Variants in PDE10A observed in about 807,000 individuals in gnomAD.
PDE10A encodes cAMP and cAMP-inhibited cGMP 3',5'-cyclic phosphodiesterase 10A.
A neutral mutation model predicts 97.7 loss-of-function variants in PDE10A; 39 were observed. The observed-to-expected ratio is 0.40, with a 90% confidence interval of 0.31 to 0.52. The LOEUF (loss-of-function observed/expected upper bound fraction) is 0.52, where lower values mean the gene tolerates loss of function less well. Among genes scored for constraint, PDE10A ranks in the 20% least tolerant of loss-of-function variants. The probability of loss-of-function intolerance (pLI) is 0.56; values close to 1 mark genes in which losing one functional copy is unlikely to be tolerated. For synonymous variants in PDE10A, 371 were observed against 376.8 expected, an observed-to-expected ratio of 0.98 and a Z score of 0.18; for missense variants, 731 against 1,047.8, an observed-to-expected ratio of 0.70 and a Z score of 4.17.
At chr6:165,682,808 G>A (rs2128439795) in intron 1 of PDE10A, among the ~76,000 whole-genome samples, 1 of 152,272 alleles carries the variant, frequency 6.6e-6, no homozygotes, top group East Asian at 1.9e-4. Context: ...GGAACGTGAA[G>A]ATCATCACTG....
chr6:165,658,026 T>C (rs1320242394), intron 1 of PDE10A, among the ~76,000 whole-genome samples: 1 of 152,192 alleles, frequency 6.6e-6, no homozygotes, highest in Non-Finnish European at 1.5e-5. Flanking sequence ...ACTCAACAAG[T>C]ATCTGTGAGT....
chr6:165,358,366 A>C (rs1217814152), intron 18 of PDE10A, among the ~76,000 whole-genome samples: 2 of 151,894 alleles, frequency 1.3e-5, no homozygotes, highest in Non-Finnish European at 2.9e-5. Context: ...TTTGTTTTTG[A>C]AGCTTTGTTA....
intron 2 of PDE10A, among the ~76,000 whole-genome samples, chr6:165,525,864 G>C (rs1782413221): frequency 6.6e-6 from 1 of 152,082 alleles, no homozygotes; most frequent in South Asian, 2.1e-4. Context: ...GTTCCTAGAA[G>C]TGAAACTGAT....
chr6:165,842,532 G>C (rs1165180969), intron 1 of PDE10A, among the ~76,000 whole-genome samples: 1 of 152,232 alleles, frequency 6.6e-6, no homozygotes, highest in African/African-American at 2.4e-5. Flanking sequence ...GAGTAACAGA[G>C]AGCGAATGCA....
At chr6:165,575,970 C>T (rs747397553) in intron 1 of PDE10A, among the ~76,000 whole-genome samples, 5 of 152,134 alleles carry the variant, frequency 3.3e-5, no homozygotes, top group Admixed American at 6.5e-5. Context: ...TCTTCATCTC[C>T]CTTGGTCTCA....
At chr6:165,413,422 AG>A in intron 13 of PDE10A, 78 bp downstream of exon 13, 1 of 907,904 alleles carries the variant, frequency 1.1e-6, no homozygotes, top group Non-Finnish European at 1.7e-6. Flanking sequence ...AAAAAAAAAA[AG>A]CCCTTAAGCT....
intron 1 of PDE10A, among the ~76,000 whole-genome samples, chr6:165,811,841 T>C (rs1266902010): frequency 6.6e-6 from 1 of 152,108 alleles, no homozygotes; most frequent in African/African-American, 2.4e-5. Context: ...CACAAGCCAG[T>C]GTCTTTTATT....
intron 19 of PDE10A, among the ~76,000 whole-genome samples, chr6:165,339,802 C>G (rs546145205): frequency 6.6e-6 from 1 of 152,288 alleles, no homozygotes; most frequent in African/African-American, 2.4e-5. Flanking sequence ...CTAAAATGTG[C>G]TAGTAAAGAC....
intron 17 of PDE10A, among the ~76,000 whole-genome samples, chr6:165,385,961 G>A (rs917266666): frequency 2.6e-5 from 4 of 152,130 alleles, no homozygotes; most frequent in Non-Finnish European, 5.9e-5. Flanking sequence ...TCTCTACGCA[G>A]AACAAATTTG....
intron 16 of PDE10A, among the ~76,000 whole-genome samples, chr6:165,392,423 GA>G (rs1785790215): frequency 1.3e-5 from 2 of 152,056 alleles, no homozygotes; most frequent in South Asian, 4.2e-4. Flanking sequence ...TTCCTTGGGG[GA>G]TATTTTGATG....
intron 1 of PDE10A, among the ~76,000 whole-genome samples, chr6:165,919,807 A>G (rs1227683617): frequency 6.7e-6 from 1 of 149,590 alleles, no homozygotes; most frequent in Non-Finnish European, 1.5e-5. Flanking sequence ...CTTTCTCTGA[A>G]CTTTATTGTG....
chr6:165,953,447 C>T (rs904409954), intron 1 of PDE10A, among the ~76,000 whole-genome samples: 3 of 151,926 alleles, frequency 2.0e-5, no homozygotes, highest in Non-Finnish European at 4.4e-5. Flanking sequence ...AAAAATTAGC[C>T]GGGTGTGGTG....
rs1562353102 is a variant in PDE10A at position 165,331,722 on chromosome 6, G to A, written c.*1303C>T. On this transcript the variant is annotated 3_prime_UTR_variant, in exon 22 of 22. Transcript: ENST00000539869. Reference sequence around the variant, plus strand: ...TGCTTTATCATCTTTGTAGGAAGGGGTGCAGAGTATTACTTTCGTATTTTT... The same window carrying A: ...TGCTTTATCATCTTTGTAGGAAGGGATGCAGAGTATTACTTTCGTATTTTT... 1 of 151,774 alleles carries A rather than the reference G, an allele frequency of 6.6e-6. No individual in the cohort carries two copies. Among genetic ancestry groups the A allele is most frequent in the Non-Finnish European group, 1.5e-5 (1 of 67,888 alleles). 9.4% of individuals were successfully genotyped at this position (151,774 alleles called of 1,614,324 possible).
chr6:165,739,590 T>A (rs1258947225), intron 1 of PDE10A, among the ~76,000 whole-genome samples: 1 of 151,926 alleles, frequency 6.6e-6, no homozygotes, highest in Non-Finnish European at 1.5e-5. Context: ...TGATTTTTTT[T>A]TTCATATGAC....
intron 1 of PDE10A, among the ~76,000 whole-genome samples, chr6:165,686,864 T>C (rs1791135842): frequency 6.6e-6 from 1 of 152,234 alleles, no homozygotes; most frequent in African/African-American, 2.4e-5. Context: ...CCTAAACGTG[T>C]GAGCTGCAGA....
chr6:165,683,832 T>C (rs918453323), intron 1 of PDE10A, among the ~76,000 whole-genome samples: 2 of 152,102 alleles, frequency 1.3e-5, no homozygotes, highest in African/African-American at 4.8e-5. Flanking sequence ...TTTCTGTTGC[T>C]TACTCTTTCC....
intron 11 of PDE10A, among the ~76,000 whole-genome samples, chr6:165,417,882 G>A (rs780822192): frequency 6.6e-6 from 1 of 152,172 alleles, no homozygotes; most frequent in Non-Finnish European, 1.5e-5. Flanking sequence ...GTTATTACCA[G>A]AGAACTTTAC....
chr6:165,757,294 G>A (rs1175025979), intron 1 of PDE10A, among the ~76,000 whole-genome samples: 1 of 152,014 alleles, frequency 6.6e-6, no homozygotes, highest in Non-Finnish European at 1.5e-5. Flanking sequence ...TTGGTTTCTG[G>A]GAGGTGTGGT....
chr6:165,663,914 G>A (rs1299285198), upstream of PDE10A, among the ~76,000 whole-genome samples: 1 of 152,200 alleles, frequency 6.6e-6, no homozygotes, highest in Non-Finnish European at 1.5e-5. Context: ...GCCGCCCAAT[G>A]GGCGCTCAGA....
Sources: gnomAD v4.1 joint callset for allele counts (sites outside exome capture counted in the v4.1 genomes callset) on GRCh38, gnomAD v4.1.1 for gene constraint, MANE v1.5 for transcripts, NCBI Gene and HGNC (gene_info 2026-07-23, HGNC 2026-07-21) for gene names.